The following DUSP1 variants were observed in gnomAD, a reference collection of about 807,000 sequenced individuals.
The protein encoded by DUSP1 is dual specificity protein phosphatase 1.
DUSP1 carries 10 observed loss-of-function variants against 27.4 expected under a neutral mutation model. That is an observed-to-expected ratio of 0.37 (90% CI 0.23 to 0.62). The LOEUF is 0.62. DUSP1 is among the 20% of genes least tolerant of loss of function. The pLI, the probability that DUSP1 is intolerant of heterozygous loss-of-function variation, is 0.68. For missense variants in DUSP1, 425 were observed against 508.1 expected (o/e 0.84, Z 1.57); for synonymous variants, 262 against 223.6 (o/e 1.17, Z -1.53).
At chr5:172,769,475 G>A (rs1759846424) in intron 3 of DUSP1, 100 bp downstream of exon 3, 1 of 1,280,806 alleles carries the variant, frequency 7.8e-7, no homozygotes, top group Non-Finnish European at 1.1e-6. Flanking sequence ...ATGTGTGGAA[G>A]AAGGCTCAGA....
chr5:172,769,266 A>G (rs915527862), intron 3 of DUSP1, 134 bp from the exon 4 acceptor site: 36 of 1,380,934 alleles, frequency 2.6e-5, no homozygotes, highest in Non-Finnish European at 2.8e-5. Flanking sequence ...CATCACATGG[A>G]TACTGTTCAT....
chr5:172,768,843 G>A lies in DUSP1; in HGVS notation c.1023C>T (p.Phe341=). ...TGGAGTGGACAGGGATGGAGACGGG[G>A]AAGTTGAACACGGTGGTGGTGGAGG... ...RGTSTTTVFN[F]PVSIPVHSTN... is the part of the protein sequence containing the mutation. The change falls in exon 4 of 4, where the codon TTC becomes TTT. Residue 341 remains phenylalanine (F), a synonymous_variant. Transcript: ENST00000239223. The A allele has an allele frequency of 6.2e-7, 1 of 1,600,386 alleles. No homozygotes were observed. The highest frequency in any genetic ancestry group is 8.5e-7 in the Non-Finnish European group (1 of 1,172,190).
Position 172,769,025 on chromosome 5 carries a change from G to C in DUSP1, c.841C>G (p.Leu281Val). 6.2e-7 allele frequency: 1 copy of C among 1,614,226 alleles called. No homozygotes were observed. The highest frequency in any genetic ancestry group is 8.5e-7 in the Non-Finnish European group (1 of 1,180,048). Residue 281 changes from leucine (L) to valine (V), a missense_variant, in exon 4 of 4, where the codon CTG becomes GTG. Around this residue, in one of 3 missense-constraint regions of DUSP1, gnomAD observed 59 missense variants for 108.4 expected, o/e 0.54. Coordinates refer to ENST00000239223, the MANE Select transcript of DUSP1 (RefSeq NM_004417.4). ...AYLMRTNRVK[L>V]DEAFEFVKQR... The stretch of plus-strand genomic sequence containing the variant: ...TTCACAAACTCAAAGGCCTCGTCCA[G>C]CTTGACTCGATTAGTCCTCATAAGG...
At position 172,771,136 on chromosome 5, in the gene DUSP1, C is replaced by G. The variant is rs1759890484; in HGVS notation, c.-184G>C. ...GGGGCTCCGGGCTCCTCGGCTTCTT[C>G]GCGGTTCCCCCGACTGCCCCTCCGA... is the stretch of plus-strand genomic sequence containing the variant. On this transcript the variant is annotated 5_prime_UTR_variant, in exon 1 of 4. Coordinates refer to ENST00000239223, the MANE Select transcript of DUSP1 (RefSeq NM_004417.4). 10 of 808,724 alleles carry G rather than the reference C, an allele frequency of 1.2e-5. No homozygotes were observed. The highest frequency in any genetic ancestry group is 1.7e-5 in the Non-Finnish European group (10 of 585,832). 50.1% of individuals were successfully genotyped at this position (808,724 alleles called of 1,614,324 possible). A position where few individuals can be genotyped will look rare whatever the true frequency, so the allele number is the denominator to read the frequency against.
At position 172,771,090 on chromosome 5, in the gene DUSP1, A is replaced by G; in HGVS notation, c.-138T>C. 8.4e-7 allele frequency: 1 copy of G among 1,183,926 alleles called. No homozygotes were observed. Among genetic ancestry groups the G allele is most frequent in the East Asian group, 3.2e-5 (1 of 31,282 alleles). The allele number at this position is 1,183,926 out of a possible 1,614,324, so 73.3% of individuals were successfully genotyped here. On this transcript the variant is annotated 5_prime_UTR_variant, in exon 1 of 4. Coordinates refer to ENST00000239223, the MANE Select transcript of DUSP1 (RefSeq NM_004417.4). Reference sequence around the variant, plus strand: ...GCGCCGAACCAAAAGCCGCTTTTGGACTGAGAGAGGAGCGTCACGCGGGGC... The same window carrying G: ...GCGCCGAACCAAAAGCCGCTTTTGGGCTGAGAGAGGAGCGTCACGCGGGGC...
intron 1 of DUSP1, 43 bp downstream of exon 1, chr5:172,770,543 C>T (rs754944959): frequency 4.2e-6 from 6 of 1,433,450 alleles, no homozygotes; most frequent in South Asian, 3.2e-5. Flanking sequence ...CGGGCAAAAC[C>T]TCAGGGGTGT....
In DUSP1 at chr5:172,770,970, C is replaced by G. The variant is rs756616799; in HGVS notation, c.-18G>C. On this transcript the variant is annotated 5_prime_UTR_variant, in exon 1 of 4. Transcript: ENST00000239223. ...ATGACCATGGCCGGCCTCAGCGCCC[C>G]CAGCGTGATCGGCCCTGCGGTGCTC... 5 of 1,461,348 alleles carry G rather than the reference C, an allele frequency of 3.4e-6. No individual in the cohort carries two copies. Among genetic ancestry groups the G allele is most frequent in the Non-Finnish European group, 4.5e-6 (5 of 1,110,092 alleles). The allele number at this position is 1,461,348 out of a possible 1,614,324, so 90.5% of individuals were successfully genotyped here.
chr5:172,771,112 G>A lies in DUSP1; in HGVS notation c.-160C>T. 1.0e-6 allele frequency: 1 copy of A among 996,440 alleles called. No homozygotes were observed. Among genetic ancestry groups the A allele is most frequent in the Non-Finnish European group, 1.3e-6 (1 of 755,164 alleles). The allele number at this position is 996,440 out of a possible 1,614,324, so 61.7% of individuals were successfully genotyped here. A position where few individuals can be genotyped will look rare whatever the true frequency, so the allele number is the denominator to read the frequency against. On this transcript the variant is annotated 5_prime_UTR_variant, in exon 1 of 4. Transcript: ENST00000239223. The stretch of plus-strand genomic sequence containing the variant: ...TGGACTGAGAGAGGAGCGTCACGCG[G>A]GGCTCCGGGCTCCTCGGCTTCTTCG...
chr5:172,768,427 A>G lies in DUSP1; in HGVS notation c.*335T>C, dbSNP rs1180562228. On this transcript the variant is annotated 3_prime_UTR_variant, in exon 4 of 4. Transcript: ENST00000239223. ...CTCATATGTATATGTGTCGTCGGGA[A>G]TAATACTGGTAGGTATGTCAAGCAT... 1.4e-5 allele frequency: 3 copies of G among 220,048 alleles called. No individual in the cohort carries two copies. The highest frequency in any genetic ancestry group is 1.8e-5 in the Non-Finnish European group (2 of 112,314). The allele number at this position is 220,048 out of a possible 1,614,324, so 13.6% of individuals were successfully genotyped here.
At position 172,769,264 on chromosome 5, in the gene DUSP1, G is replaced by T. The variant is rs1022972138; in HGVS notation, c.734-132C>A. ...TCAACATCACCACATGCCATCACATGGATACTGTTCATGGAGGCAACGTGG... is the reference window on the plus strand; with the variant it reads ...TCAACATCACCACATGCCATCACATTGATACTGTTCATGGAGGCAACGTGG... On this transcript the variant is annotated intron_variant, in intron 3 of 3. Transcript: ENST00000239223. 5.0e-6 allele frequency: 7 copies of T among 1,389,004 alleles called. No homozygotes were observed. The African/African-American group carries it at 8.7e-5, about 17-fold the overall frequency. 86.0% of individuals were successfully genotyped at this position (1,389,004 alleles called of 1,614,324 possible). A position where few individuals can be genotyped will look rare whatever the true frequency, so the allele number is the denominator to read the frequency against.
chr5:172,769,105 A>ACC lies in DUSP1; in HGVS notation c.759_760dup (p.Val254GlyfsTer22). On this transcript the variant is annotated frameshift_variant, in exon 4 of 4. Transcript: ENST00000239223. LOFTEE classifies it high-confidence loss of function. ...AATGCCTGCCTGGCAGTGGACAAAC[A>ACC]CCCTTCCTCCAGCATTCTTGATGGA... 6.2e-7 allele frequency: 1 copy of ACC among 1,611,394 alleles called. No individual in the cohort carries two copies. Among genetic ancestry groups the ACC allele is most frequent in the Non-Finnish European group, 8.5e-7 (1 of 1,179,788 alleles).
chr5:172,771,163 C>G lies in DUSP1; in HGVS notation c.-211G>C, dbSNP rs890894062. 30 of 573,762 alleles carry G rather than the reference C, an allele frequency of 5.2e-5. No homozygotes were observed. Among genetic ancestry groups the G allele is most frequent in the Admixed American group, 8.7e-5 (2 of 22,962 alleles). The allele number at this position is 573,762 out of a possible 1,614,324, so 35.5% of individuals were successfully genotyped here. ...CGGTTCCCCCGACTGCCCCTCCGACCCGCGTCGCACACACAGCCCAAATGT... is the reference window on the plus strand; with the variant it reads ...CGGTTCCCCCGACTGCCCCTCCGACGCGCGTCGCACACACAGCCCAAATGT... On this transcript the variant is annotated 5_prime_UTR_variant, in exon 1 of 4. Transcript: ENST00000239223.
rs1759888268 is a variant in DUSP1 at position 172,771,050 on chromosome 5, C to A, written c.-98G>T. 1 of 1,312,418 alleles carries A rather than the reference C, an allele frequency of 7.6e-7. No individual in the cohort carries two copies. Among genetic ancestry groups the A allele is most frequent in the Non-Finnish European group, 9.7e-7 (1 of 1,027,732 alleles). 81.3% of individuals were successfully genotyped at this position (1,312,418 alleles called of 1,614,324 possible). On this transcript the variant is annotated 5_prime_UTR_variant, in exon 1 of 4. Transcript: ENST00000239223. ...CGGCGCTTTTCGAGGAAAAGCTAGA[C>A]CCCCGGGTCTCTCTGCGCCGAACCA... is the stretch of plus-strand genomic sequence containing the variant.
chr5:172,770,119 G>A (rs200009274), intron 2 of DUSP1, 42 bp downstream of exon 2: 21 of 1,533,012 alleles, frequency 1.4e-5, no homozygotes, highest in South Asian at 1.2e-4. Context: ...CCATGCCTTT[G>A]CCAGTTCTTA....
chr5:172,770,388 G>A (rs889625726), intron 1 of DUSP1, 82 bp from the exon 2 acceptor site: 31 of 1,580,940 alleles, frequency 2.0e-5, no homozygotes, highest in Non-Finnish European at 2.6e-5. Context: ...CCCACCAAGG[G>A]CTGGAAGTTT....
rs1318828181 is a variant in DUSP1, at chr5:172,769,029, G to C, written c.837C>G (p.Val279=). The change falls in exon 4 of 4, where the codon GTC becomes GTG. Residue 279 remains valine (V), a synonymous_variant. Coordinates refer to ENST00000239223, the MANE Select transcript of DUSP1 (RefSeq NM_004417.4). ...CAAACTCAAAGGCCTCGTCCAGCTT[G>C]ACTCGATTAGTCCTCATAAGGTAAG... ...CLAYLMRTNR[V]KLDEAFEFVK... The C allele has an allele frequency of 6.2e-7, 1 of 1,614,184 alleles. No homozygotes were observed.
Position 172,770,707 on chromosome 5 carries a change from G to C in DUSP1, c.246C>G (p.Ala82=), listed in dbSNP as rs1424563466. The change falls in exon 1 of 4, where the codon GCC becomes GCG. Residue 82 remains alanine, a synonymous_variant. Coordinates refer to ENST00000239223, the MANE Select transcript of DUSP1 (RefSeq NM_004417.4). The part of the protein sequence containing the change: ...RGRLLAGAYH[A]VVLLDERSAA... The stretch of plus-strand genomic sequence containing the variant: ...CGCTGCGCTCGTCCAGCAACACCAC[G>C]GCGTGGTAGGCGCCGGCCAGCAGGC... 5 of 1,391,812 alleles carry C rather than the reference G, an allele frequency of 3.6e-6. No individual in the cohort carries two copies. Among genetic ancestry groups the C allele is most frequent in the East Asian group, 3.1e-5 (1 of 32,522 alleles). The allele number at this position is 1,391,812 out of a possible 1,614,324, so 86.2% of individuals were successfully genotyped here.
chr5:172,768,582 T>C lies in DUSP1; in HGVS notation c.*180A>G, dbSNP rs1759827180. 2 of 796,692 alleles carry C rather than the reference T, an allele frequency of 2.5e-6. No homozygotes were observed. Among genetic ancestry groups the C allele is most frequent in the African/African-American group, 1.8e-5 (1 of 55,878 alleles). 49.4% of individuals were successfully genotyped at this position (796,692 alleles called of 1,614,324 possible). Reference sequence around the variant, plus strand: ...ATATATTGGTCCCGAATGTGCTGAGTTCAGCAAATGTCTTGACGCTAAGTC... The same window carrying C: ...ATATATTGGTCCCGAATGTGCTGAGCTCAGCAAATGTCTTGACGCTAAGTC... On this transcript the variant is annotated 3_prime_UTR_variant, in exon 4 of 4. Coordinates refer to ENST00000239223, the MANE Select transcript of DUSP1 (RefSeq NM_004417.4).
chr5:172,769,267 T>C (rs1278011072), intron 3 of DUSP1, 135 bp from the exon 4 acceptor site: 27 of 1,375,054 alleles, frequency 2.0e-5, no homozygotes, highest in Non-Finnish European at 2.6e-5. Flanking sequence ...ATCACATGGA[T>C]ACTGTTCATG....
Sources: gnomAD v4.1 joint callset for allele counts on GRCh38, gnomAD v4.1.1 for gene constraint, gnomAD v4.1.1 regional missense constraint, MANE v1.5 for transcripts, NCBI Gene and HGNC (gene_info 2026-07-23, HGNC 2026-07-21) for gene names.